The following NF1 variants were observed in gnomAD, a reference collection of about 807,000 sequenced individuals.
The protein encoded by NF1 is neurofibromin.
A neutral mutation model predicts 325.7 loss-of-function variants in NF1; 122 were observed. The observed-to-expected ratio is 0.37, with a 90% confidence interval of 0.32 to 0.44. NF1 has a LOEUF of 0.44. NF1 is among the 20% of genes least tolerant of loss of function. The probability of loss-of-function intolerance (pLI) is 1.00; values close to 1 mark genes in which losing one functional copy is unlikely to be tolerated. For synonymous variants in NF1, 1,091 were observed against 1,186.0 expected, an observed-to-expected ratio of 0.92 and a Z score of 1.65; for missense variants, 2,140 against 3,415.4, an observed-to-expected ratio of 0.63 and a Z score of 9.31.
chr17:31,227,179 C>G (rs2151426729), intron 18 of NF1, 39 bp from the exon 19 acceptor site: 1 of 1,603,694 alleles, frequency 6.2e-7, no homozygotes, highest in South Asian at 1.1e-5. Flanking sequence ...AGGCAGGGCT[C>G]TAAGTGCAGT....
At chr17:31,244,669 C>T (rs751501312) in intron 29 of NF1, among the ~76,000 whole-genome samples, 7 of 152,140 alleles carry the variant, frequency 4.6e-5, no homozygotes, top group East Asian at 1.9e-4. Flanking sequence ...TTGCACACCA[C>T]GGGGCCACTG....
chr17:31,253,267 G>T (rs2067525209), intron 31 of NF1: 1 of 369,136 alleles, frequency 2.7e-6, no homozygotes, highest in South Asian at 3.3e-5. Context: ...TTTTATTATT[G>T]TTACTTTTTA....
chr17:31,269,314 T>G (rs886639117), intron 36 of NF1, among the ~76,000 whole-genome samples: 1 of 152,232 alleles, frequency 6.6e-6, no homozygotes, highest in African/African-American at 2.4e-5. Context: ...TTTCCTTCTA[T>G]TCCATCCAAT....
At chr17:31,273,957 G>A (rs147965505) in intron 36 of NF1, among the ~76,000 whole-genome samples, 1 of 152,250 alleles carries the variant, frequency 6.6e-6, no homozygotes, top group Admixed American at 6.5e-5. Flanking sequence ...AACCAAGTAA[G>A]TGTATTAAAG....
At chr17:31,341,842 T>A (rs1337166569) in intron 47 of NF1, among the ~76,000 whole-genome samples, 2 of 152,054 alleles carry the variant, frequency 1.3e-5, no homozygotes, top group Non-Finnish European at 2.9e-5. Flanking sequence ...TAAAATAGTA[T>A]GAAATTACGT....
At chr17:31,228,426 G>C (rs2067052975) in intron 20 of NF1, among the ~76,000 whole-genome samples, 2 of 152,074 alleles carry the variant, frequency 1.3e-5, no homozygotes, top group Non-Finnish European at 2.9e-5. Context: ...GAAAGCTTTT[G>C]GGGGGATAAC....
chr17:31,290,116 A>G (rs544402690), intron 36 of NF1, among the ~76,000 whole-genome samples: 54 of 151,862 alleles, frequency 3.6e-4, no homozygotes, highest in African/African-American at 1.3e-3. Flanking sequence ...CTGATTAACA[A>G]CCTCCTTTAT....
intron 1 of NF1, among the ~76,000 whole-genome samples, chr17:31,127,539 T>C (rs2143435990): frequency 6.6e-6 from 1 of 151,968 alleles, no homozygotes; most frequent in South Asian, 2.1e-4. Flanking sequence ...ATTTAAAAAG[T>C]TATATTTTCT....
chr17:31,308,732 T>G (rs888979268), intron 36 of NF1, among the ~76,000 whole-genome samples: 1 of 152,142 alleles, frequency 6.6e-6, no homozygotes, highest in African/African-American at 2.4e-5. Flanking sequence ...TAAATTCCCC[T>G]TCTTAACCCA....
chr17:31,346,818 C>CT (rs59155043), intron 48 of NF1, among the ~76,000 whole-genome samples: 3,876 of 108,144 alleles, frequency 0.036, 124 homozygotes, highest in African/African-American at 0.089. Context: ...AAGAATTTGG[C>CT]TTTTTTTTTT....
intron 33 of NF1, among the ~76,000 whole-genome samples, chr17:31,259,805 A>T (rs964364703): frequency 9.2e-5 from 14 of 152,232 alleles, no homozygotes; most frequent in African/African-American, 3.1e-4. Context: ...GTGTGAATCT[A>T]ATTGATCCTC....
At chr17:31,183,061 A>T in intron 8 of NF1, 1 of 422,820 alleles carries the variant, frequency 2.4e-6, no homozygotes, top group Non-Finnish European at 4.2e-6. Context: ...TACTGAAATT[A>T]TCTAGTAACT....
At chr17:31,187,986 G>T (rs2066273637) in intron 8 of NF1, among the ~76,000 whole-genome samples, 1 of 152,202 alleles carries the variant, frequency 6.6e-6, no homozygotes, top group Non-Finnish European at 1.5e-5. Flanking sequence ...CATAGCGGAG[G>T]TAAAGAAGAG....
At chr17:31,178,450 A>G (rs1463979409) in intron 5 of NF1, among the ~76,000 whole-genome samples, 3 of 152,220 alleles carry the variant, frequency 2.0e-5, no homozygotes, top group South Asian at 2.1e-4. Context: ...CTGTGAAGAA[A>G]CTGCATCAAC....
chr17:31,231,220 G>A (rs564313382), intron 24 of NF1, among the ~76,000 whole-genome samples: 2 of 152,214 alleles, frequency 1.3e-5, no homozygotes, highest in African/African-American at 4.8e-5. Flanking sequence ...TTGCATTTGT[G>A]TTATGATTAG....
chr17:31,097,703 C>CT lies in NF1; in HGVS notation c.60+2345dup, dbSNP rs879860758. ...GATATATAGGAGAGATTATTCCTCA[C>CT]TTTTTTTTTTTGAGACAAGGTCTTG... On this transcript the variant is annotated intron_variant, in intron 1 of 57. Transcript: ENST00000358273. Among the ~76,000 whole-genome samples the CT allele has an allele frequency of 8.7e-3, 1,274 of 146,596 alleles. 22 individuals carry two copies. Among genetic ancestry groups the CT allele is most frequent in the African/African-American group, 0.029 (1,155 of 40,366 alleles).
chr17:31,361,016 T>G, intron 57 of NF1: 1 of 359,234 alleles, frequency 2.8e-6, no homozygotes, highest in South Asian at 2.9e-5. Flanking sequence ...CTATAATTTA[T>G]TTACTAGATA....
chr17:31,256,186 A>G (rs1405037482), intron 31 of NF1, among the ~76,000 whole-genome samples: 2 of 152,096 alleles, frequency 1.3e-5, no homozygotes, highest in Non-Finnish European at 1.5e-5. Context: ...TGTCACCCAG[A>G]TTGGAGTGCA....
intron 11 of NF1, among the ~76,000 whole-genome samples, chr17:31,202,881 C>T (rs1215803074): frequency 6.6e-6 from 1 of 152,050 alleles, no homozygotes; most frequent in Non-Finnish European, 1.5e-5. Context: ...GCCATTAAAA[C>T]AAAAAGATGA....
Sources: gnomAD v4.1 joint callset for allele counts (sites outside exome capture counted in the v4.1 genomes callset) on GRCh38, gnomAD v4.1.1 for gene constraint, MANE v1.5 for transcripts, NCBI Gene and HGNC (gene_info 2026-07-23, HGNC 2026-07-21) for gene names.